Variants in LDAH observed in about 807,000 individuals in gnomAD.
LDAH encodes the protein lipid droplet-associated hydrolase.
In LDAH, 26 loss-of-function variants were observed where a neutral mutation model predicts 29.6. The observed-to-expected ratio is 0.88, with a 90% CI of 0.64 to 1.22. The LOEUF is 1.22. Among genes scored for constraint, LDAH ranks in the 50% most tolerant of loss-of-function variants. LDAH has a pLI of 0.00. For synonymous variants in LDAH, 117 were observed against 133.0 expected (o/e 0.88, Z 0.83); for missense variants, 344 against 387.3 (o/e 0.89, Z 0.94).
At chr2:20,696,127 A>C (rs1030896357) in intron 6 of LDAH, among the ~76,000 whole-genome samples, 1 of 152,204 alleles carries the variant, frequency 6.6e-6, no homozygotes, top group Non-Finnish European at 1.5e-5. Context: ...GAACTAACAC[A>C]ATCCGTTTCA....
chr2:20,692,175 G>C (rs78824368), intron 6 of LDAH, among the ~76,000 whole-genome samples: 1 of 152,186 alleles, frequency 6.6e-6, no homozygotes, highest in South Asian at 2.1e-4. Flanking sequence ...CTCTGCCCTG[G>C]AACAGCTCAC....
intron 5 of LDAH, among the ~76,000 whole-genome samples, chr2:20,725,399 A>G (rs1292669730): frequency 2.6e-5 from 4 of 152,232 alleles, no homozygotes; most frequent in African/African-American, 7.2e-5. Context: ...ATTAAGAAAT[A>G]AACGGTAGAC....
At chr2:20,801,157 G>A (rs1247435431) in intron 2 of LDAH, 153 bp downstream of exon 2, 4 of 702,882 alleles carry the variant, frequency 5.7e-6, no homozygotes, top group Non-Finnish European at 6.8e-6. Flanking sequence ...AAATCCAGAC[G>A]TCAAAATATT....
intron 2 of LDAH, among the ~76,000 whole-genome samples, chr2:20,790,936 T>A (rs977333186): frequency 6.6e-6 from 1 of 152,214 alleles, no homozygotes; most frequent in East Asian, 1.9e-4. Flanking sequence ...TTCAATCTGA[T>A]AGATCTGTAG....
At chr2:20,741,006 C>T (rs980566431) in intron 4 of LDAH, among the ~76,000 whole-genome samples, 5 of 152,168 alleles carry the variant, frequency 3.3e-5, no homozygotes, top group Admixed American at 3.3e-4. Context: ...TTTTAATTTA[C>T]ATTTCTTTGA....
At chr2:20,759,300 T>C (rs1668528524) in intron 4 of LDAH, among the ~76,000 whole-genome samples, 1 of 152,194 alleles carries the variant, frequency 6.6e-6, no homozygotes. Context: ...GGCTTCCATC[T>C]TTTATGTATC....
intron 5 of LDAH, among the ~76,000 whole-genome samples, chr2:20,712,425 G>T (rs932251885): frequency 6.6e-6 from 1 of 152,220 alleles, no homozygotes; most frequent in Non-Finnish European, 1.5e-5. Context: ...TCACAAAGAT[G>T]GGGAGAAACC....
chr2:20,813,783 C>T (rs948510589), intron 1 of LDAH, among the ~76,000 whole-genome samples: 3 of 152,178 alleles, frequency 2.0e-5, no homozygotes, highest in Non-Finnish European at 2.9e-5. Context: ...AAATACCTTA[C>T]TCTTTAATTT....
At chr2:20,762,544 T>C (rs1226717322) in intron 4 of LDAH, among the ~76,000 whole-genome samples, 3 of 152,122 alleles carry the variant, frequency 2.0e-5, no homozygotes, top group African/African-American at 7.3e-5. Context: ...TTTTGATAAC[T>C]GTTGAGGTTC....
chr2:20,788,937 C>T lies in LDAH; in HGVS notation c.298+1318G>A, dbSNP rs190625113. ...TCACAGATTTAAAGGAGGTAGTTTG[C>T]ATCTCCATGGTATTACTTCTTCCAT... On this transcript the variant is annotated intron_variant, in intron 3 of 6. Coordinates refer to ENST00000237822, the MANE Select transcript of LDAH (RefSeq NM_021925.4). The T allele has an allele frequency of 5.8e-4, 292 of 503,940 alleles. 2 individuals carry two copies. Among genetic ancestry groups the T allele is most frequent in the African/African-American group, 5.2e-3 (260 of 50,456 alleles). 31.2% of individuals were successfully genotyped at this position (503,940 alleles called of 1,614,324 possible).
intron 5 of LDAH, among the ~76,000 whole-genome samples, chr2:20,726,144 G>A (rs1350648746): frequency 6.6e-6 from 1 of 152,220 alleles, no homozygotes; most frequent in Non-Finnish European, 1.5e-5. Context: ...CACAGCACAA[G>A]GGCTGATGTG....
intron 6 of LDAH, 112 bp from the exon 7 acceptor site, chr2:20,687,206 A>C (rs1001792784): frequency 1.3e-6 from 1 of 772,376 alleles, no homozygotes; most frequent in South Asian, 1.9e-5. Context: ...TGACCCTGGG[A>C]GCTAGTCCCT....
intron 1 of LDAH, among the ~76,000 whole-genome samples, chr2:20,822,306 T>A (rs1572709645): frequency 2.0e-5 from 3 of 151,946 alleles, no homozygotes; most frequent in Admixed American, 2.0e-4. Context: ...TTTATTTATG[T>A]ATTTATTTTT....
chr2:20,801,548 G>A, intron 1 of LDAH, 83 bp from the exon 2 acceptor site: 4 of 1,208,496 alleles, frequency 3.3e-6, no homozygotes, highest in Non-Finnish European at 4.8e-6. Flanking sequence ...AATAAAAAAG[G>A]GCAAGTTTCA....
intron 5 of LDAH, among the ~76,000 whole-genome samples, chr2:20,737,964 G>A (rs966322664): frequency 2.6e-5 from 4 of 151,940 alleles, no homozygotes; most frequent in South Asian, 2.1e-4. Context: ...TAAAAATATC[G>A]ATTCTTGGGC....
rs1464745873 is a variant in LDAH, at chr2:20,687,507, A to G, written c.787-413T>C. ...TTCCAAATAGCCACATGGTAGTCAT[A>G]TGGGATGTATTTGTTGAATGAATAC... On this transcript the variant is annotated intron_variant, in intron 6 of 6. Transcript: ENST00000237822. 2.6e-4 allele frequency among the ~76,000 whole-genome samples: 40 copies of G among 152,248 alleles called. 1 individual carries two copies. Among genetic ancestry groups the G allele is most frequent in the Admixed American group, 2.6e-3 (40 of 15,292 alleles).
intron 1 of LDAH, among the ~76,000 whole-genome samples, chr2:20,818,509 A>T (rs1673012444): frequency 6.6e-6 from 1 of 152,070 alleles, no homozygotes; most frequent in African/African-American, 2.4e-5. Flanking sequence ...ATGTAAGAAC[A>T]AGTAATTGTT....
intron 4 of LDAH, among the ~76,000 whole-genome samples, chr2:20,769,799 C>T (rs977581036): frequency 1.3e-5 from 2 of 152,052 alleles, no homozygotes; most frequent in African/African-American, 4.8e-5. Context: ...TTAATGCTGT[C>T]AATTTTACTC....
chr2:20,790,755 T>C (rs1053850811), intron 2 of LDAH, among the ~76,000 whole-genome samples: 3 of 152,198 alleles, frequency 2.0e-5, no homozygotes, highest in Non-Finnish European at 4.4e-5. Flanking sequence ...GTCTACTGTT[T>C]CCTTGTCACT....
Sources: allele counts gnomAD v4.1 joint callset (sites outside exome capture counted in the v4.1 genomes callset), GRCh38; gene constraint gnomAD v4.1.1; transcripts MANE v1.5; gene names NCBI Gene and HGNC (gene_info 2026-07-23, HGNC 2026-07-21).